Variants in DLGAP1 observed in about 807,000 individuals in gnomAD.
The protein encoded by DLGAP1 is DLG associated protein 1.
In DLGAP1, 11 loss-of-function variants were observed where a neutral mutation model predicts 90.8. The ratio of observed to expected loss-of-function variants is 0.12; its 90% CI spans 0.08 to 0.20. The LOEUF is 0.20. Ranked by LOEUF, DLGAP1 falls within the 10% of genes least tolerant of loss-of-function variation. DLGAP1 has a pLI of 1.00. For synonymous variants in DLGAP1, 558 were observed against 540.7 expected, an observed-to-expected ratio of 1.03 and a Z score of -0.44; for missense variants, 1,050 against 1,333.8, an observed-to-expected ratio of 0.79 and a Z score of 3.31.
chr18:4,409,573 C>A (rs763606416), intron 1 of DLGAP1, among the ~76,000 whole-genome samples: 4 of 152,140 alleles, frequency 2.6e-5, no homozygotes, highest in Non-Finnish European at 5.9e-5. Context: ...AAGCTTTATG[C>A]AGGTTAAAGT....
intron 3 of DLGAP1, among the ~76,000 whole-genome samples, chr18:3,951,023 G>A (rs1424973103): frequency 6.6e-6 from 1 of 152,180 alleles, no homozygotes; most frequent in African/African-American, 2.4e-5. Flanking sequence ...TCATCATTCA[G>A]CTCAGAAGTT....
chr18:3,936,748 C>T (rs951326577), intron 3 of DLGAP1, among the ~76,000 whole-genome samples: 1 of 152,268 alleles, frequency 6.6e-6, no homozygotes, highest in Non-Finnish European at 1.5e-5. Flanking sequence ...TCCTCCAGTA[C>T]CTCAATATCC....
chr18:4,417,892 C>T (rs2082938745), intron 1 of DLGAP1, among the ~76,000 whole-genome samples: 1 of 152,274 alleles, frequency 6.6e-6, no homozygotes, highest in South Asian at 2.1e-4. Flanking sequence ...GCTGCTGCCA[C>T]TTCTCACTGC....
intron 7 of DLGAP1, among the ~76,000 whole-genome samples, chr18:3,617,350 G>A (rs1381347428): frequency 1.3e-5 from 2 of 152,178 alleles, no homozygotes; most frequent in African/African-American, 2.4e-5. Flanking sequence ...TGTAATCCCG[G>A]CACTCTGGGA....
At chr18:4,022,893 A>G (rs1412505951) in intron 2 of DLGAP1, among the ~76,000 whole-genome samples, 1 of 130,496 alleles carries the variant, frequency 7.7e-6, no homozygotes, top group African/African-American at 2.8e-5. Context: ...ATGATTATAG[A>G]CTGACACTTT....
At chr18:3,821,912 T>C in intron 4 of DLGAP1, 1 of 985,372 alleles carries the variant, frequency 1.0e-6, no homozygotes. Flanking sequence ...TGCATCTTCT[T>C]TGCAGCTGGG....
intron 5 of DLGAP1, among the ~76,000 whole-genome samples, chr18:3,803,917 A>C (rs2066430246): frequency 7.2e-6 from 1 of 139,166 alleles, no homozygotes; most frequent in African/African-American, 2.6e-5. Context: ...ACTAGCTATC[A>C]GGATAGATGA....
chr18:4,077,198 A>G (rs1174066830), intron 2 of DLGAP1, among the ~76,000 whole-genome samples: 2 of 152,256 alleles, frequency 1.3e-5, no homozygotes, highest in African/African-American at 4.8e-5. Context: ...AGATTCAACA[A>G]ACAAGTAAAA....
At chr18:3,508,693 C>T (rs376173328) in intron 10 of DLGAP1, 32 bp from the exon 11 acceptor site, 1 of 1,530,408 alleles carries the variant, frequency 6.5e-7, no homozygotes, top group African/African-American at 1.4e-5. Context: ...GAAATTTACA[C>T]ATCATGCTTC....
intron 12 of DLGAP1, among the ~76,000 whole-genome samples, chr18:3,500,543 C>G (rs943114500): frequency 6.6e-6 from 1 of 152,088 alleles, no homozygotes. Context: ...AACTTCTCAC[C>G]CTGGAGCTAC....
At chr18:3,609,797 C>T (rs1280614128) in intron 7 of DLGAP1, among the ~76,000 whole-genome samples, 1 of 151,362 alleles carries the variant, frequency 6.6e-6, no homozygotes, top group Non-Finnish European at 1.5e-5. Flanking sequence ...GTGGCTCACG[C>T]CTTTAATCCC....
intron 7 of DLGAP1, among the ~76,000 whole-genome samples, chr18:3,589,204 GA>G (rs1025016578): frequency 2.0e-5 from 3 of 152,010 alleles, no homozygotes; most frequent in African/African-American, 7.2e-5. Flanking sequence ...AGAAAAAAAA[GA>G]AAAAAAGAAA....
At chr18:4,209,730 T>G (rs2077802081) in intron 1 of DLGAP1, among the ~76,000 whole-genome samples, 1 of 152,186 alleles carries the variant, frequency 6.6e-6, no homozygotes, top group South Asian at 2.1e-4. Context: ...GGTTAATTCA[T>G]CATACAAAAT....
intron 7 of DLGAP1, among the ~76,000 whole-genome samples, chr18:3,670,360 C>T (rs1380440354): frequency 2.0e-5 from 3 of 152,110 alleles, no homozygotes; most frequent in East Asian, 3.9e-4. Context: ...ACCTCTGATG[C>T]GATTTCAAAA....
At chr18:4,030,000 A>G (rs796988386) in intron 2 of DLGAP1, among the ~76,000 whole-genome samples, 1 of 152,018 alleles carries the variant, frequency 6.6e-6, no homozygotes, top group South Asian at 2.1e-4. Context: ...AGAAATTATT[A>G]TTATTTTTTG....
chr18:4,443,537 G>T (rs1368517021), intron 1 of DLGAP1, among the ~76,000 whole-genome samples: 3 of 152,144 alleles, frequency 2.0e-5, no homozygotes, highest in African/African-American at 7.2e-5. Context: ...ACAGAAAATG[G>T]GTCAAAAGAC....
chr18:4,180,031 A>C (rs1005195308), intron 1 of DLGAP1, among the ~76,000 whole-genome samples: 4 of 152,314 alleles, frequency 2.6e-5, no homozygotes, highest in African/African-American at 9.6e-5. Context: ...CTTTACTGAC[A>C]GGCAATGGAA....
intron 3 of DLGAP1, among the ~76,000 whole-genome samples, chr18:3,935,130 T>C (rs2072605320): frequency 6.9e-6 from 1 of 145,692 alleles, no homozygotes; most frequent in Non-Finnish European, 1.5e-5. Context: ...ACACAATGCT[T>C]TATAACACAT....
intron 1 of DLGAP1, among the ~76,000 whole-genome samples, chr18:4,277,140 C>T (rs1353093648): frequency 6.6e-6 from 1 of 152,144 alleles, no homozygotes; most frequent in Non-Finnish European, 1.5e-5. Context: ...GATGATTTTC[C>T]TGTGTATACA....
Sources: allele counts gnomAD v4.1 joint callset (sites outside exome capture counted in the v4.1 genomes callset), GRCh38; gene constraint gnomAD v4.1.1; transcripts MANE v1.5; gene names NCBI Gene and HGNC (gene_info 2026-07-23, HGNC 2026-07-21).